STK31: variants seen among roughly 807,000 people sequenced by gnomAD.
STK31 encodes the protein serine/threonine-protein kinase 31.
In STK31, 89 loss-of-function variants were observed where a neutral mutation model predicts 129.7. The observed-to-expected ratio is 0.69, with a 90% confidence interval of 0.58 to 0.82. STK31 has a LOEUF of 0.82. Ranked by LOEUF, STK31 falls within the 40% of genes least tolerant of loss-of-function variation. The pLI is 0.00. For missense variants in STK31, 1,187 were observed against 1,176.4 expected (o/e 1.01, Z -0.13); for synonymous variants, 448 against 395.3 (o/e 1.13, Z -1.58).
Position 23,710,220 on chromosome 7 carries a change from C to T in STK31, c.-66C>T, listed in dbSNP as rs375072309. The stretch of plus-strand genomic sequence containing the variant: ...ACGCAGGCGCAGTGTGGGGCCCTTG[C>T]GGTCGAAGCTCACGCGGTAAGCCGC... On this transcript the variant is annotated 5_prime_UTR_variant, in exon 1 of 24. Transcript: ENST00000355870. 665 of 1,610,362 alleles carry T rather than the reference C, an allele frequency of 4.1e-4. 2 individuals carry two copies. The highest frequency in any genetic ancestry group is 5.1e-4 in the Non-Finnish European group (603 of 1,179,294).
At chr7:23,819,417 T>A (rs936958270) in intron 23 of STK31, among the ~76,000 whole-genome samples, 1 of 64,940 alleles carries the variant, frequency 1.5e-5, no homozygotes, top group Non-Finnish European at 2.8e-5. Context: ...GATGATTTCT[T>A]TCCTTTTTTT....
chr7:23,823,325 A>C (rs1235798328), intron 23 of STK31, among the ~76,000 whole-genome samples: 1 of 151,962 alleles, frequency 6.6e-6, no homozygotes, highest in Non-Finnish European at 1.5e-5. Flanking sequence ...TGTGGTTTTG[A>C]TTTGCATTTC....
chr7:23,753,340 T>C (rs1024303447), intron 9 of STK31, among the ~76,000 whole-genome samples: 3 of 152,194 alleles, frequency 2.0e-5, no homozygotes, highest in Non-Finnish European at 4.4e-5. Flanking sequence ...GGTGTGTCTG[T>C]ATTGTCCCAG....
At chr7:23,777,596 T>A (rs1481549133) in intron 15 of STK31, among the ~76,000 whole-genome samples, 1 of 151,328 alleles carries the variant, frequency 6.6e-6, no homozygotes, top group African/African-American at 2.4e-5. Context: ...CCTTCTTTAT[T>A]TTTATTTTTT....
Position 23,769,718 on chromosome 7 carries a change from G to A in STK31, c.1675G>A (p.Glu559Lys), listed in dbSNP as rs1455878553. The change falls in exon 13 of 24, where the codon GAG (glutamate) becomes AAG (lysine). Residue 559 changes from glutamate to lysine, a missense_variant. Physicochemically the swap from Glu to Lys is moderately conservative, Grantham distance 56. Around this residue, in one of 5 missense-constraint regions of STK31, gnomAD observed 975 missense variants for 934.9 expected, o/e 1.04. Coordinates refer to ENST00000355870, the MANE Select transcript of STK31 (RefSeq NM_031414.5). ...DNIDEILEKT[E>K]SSVCKELEIA... ...TATTGATGAAATCCTAGAGAAGACTGAGTCAAGTGTCTGCAAAGAGCTGGA... is the reference window on the plus strand; with the variant it reads ...TATTGATGAAATCCTAGAGAAGACTAAGTCAAGTGTCTGCAAAGAGCTGGA... 6.2e-7 allele frequency: 1 copy of A among 1,609,968 alleles called. No homozygotes were observed. Among genetic ancestry groups the A allele is most frequent in the African/African-American group, 1.3e-5 (1 of 74,926 alleles).
intron 22 of STK31, among the ~76,000 whole-genome samples, chr7:23,807,316 G>A (rs965552649): frequency 6.6e-6 from 1 of 151,936 alleles, no homozygotes; most frequent in African/African-American, 2.4e-5. Flanking sequence ...ATTTTCACTG[G>A]GAATAGAATT....
chr7:23,790,302 A>G (rs1161631035), intron 21 of STK31, among the ~76,000 whole-genome samples: 2 of 152,196 alleles, frequency 1.3e-5, no homozygotes, highest in Non-Finnish European at 2.9e-5. Flanking sequence ...GACAAAAAAG[A>G]GGTTAAAGCC....
intron 8 of STK31, among the ~76,000 whole-genome samples, chr7:23,741,888 T>C (rs1485487743): frequency 1.3e-5 from 2 of 152,156 alleles, no homozygotes; most frequent in Admixed American, 1.3e-4. Context: ...GCAGCTGCAG[T>C]CATGTCAGCC....
chr7:23,749,793 G>A (rs1788586400), intron 8 of STK31, among the ~76,000 whole-genome samples: 1 of 152,102 alleles, frequency 6.6e-6, no homozygotes, highest in Non-Finnish European at 1.5e-5. Flanking sequence ...GTCTTTTTGT[G>A]AGTCTATGTC....
At chr7:23,818,719 G>A (rs1793610759) in intron 23 of STK31, among the ~76,000 whole-genome samples, 1 of 152,030 alleles carries the variant, frequency 6.6e-6, no homozygotes, top group Admixed American at 6.5e-5. Flanking sequence ...CTGCCTCCCA[G>A]GTTCAAGTGA....
chr7:23,812,568 A>G (rs1200601886), intron 22 of STK31, among the ~76,000 whole-genome samples: 3 of 151,742 alleles, frequency 2.0e-5, no homozygotes, highest in Non-Finnish European at 4.4e-5. Flanking sequence ...GTTTTGTTAC[A>G]CAGGTATATT....
chr7:23,745,254 A>ACC (rs1405786464), intron 8 of STK31, among the ~76,000 whole-genome samples: 1 of 152,060 alleles, frequency 6.6e-6, no homozygotes, highest in African/African-American at 2.4e-5. Flanking sequence ...GTGTGCTCAG[A>ACC]CACTGGTGAG....
At chr7:23,723,600 A>G (rs1347643550) in intron 4 of STK31, among the ~76,000 whole-genome samples, 2 of 152,174 alleles carry the variant, frequency 1.3e-5, no homozygotes, top group Non-Finnish European at 2.9e-5. Flanking sequence ...TCATAAATGG[A>G]TTATACTTTG....
intron 15 of STK31, among the ~76,000 whole-genome samples, chr7:23,773,390 G>A (rs1790327556): frequency 6.6e-6 from 1 of 152,080 alleles, no homozygotes; most frequent in South Asian, 2.1e-4. Context: ...TTTTATAGCT[G>A]CATAATATTC....
intron 11 of STK31, among the ~76,000 whole-genome samples, chr7:23,768,067 C>T (rs1789944068): frequency 6.6e-6 from 1 of 151,990 alleles, no homozygotes; most frequent in African/African-American, 2.4e-5. Flanking sequence ...ACAAACCCAG[C>T]CAGGCCAATT....
In STK31 at chr7:23,785,713, A is replaced by C. The variant is rs1328183031; in HGVS notation, c.2274+110A>C. 5 of 1,371,436 alleles carry C rather than the reference A, an allele frequency of 3.6e-6. No individual in the cohort carries two copies. The African/African-American group carries it at 5.8e-5, about 16-fold the overall frequency. 85.0% of individuals were successfully genotyped at this position (1,371,436 alleles called of 1,614,324 possible). ...CACTGTTAGTTTTCTAAAGTGTATA[A>C]GTTGACTGGCATGATAATTGTGCTT... On this transcript the variant is annotated intron_variant, in intron 18 of 23. Coordinates refer to ENST00000355870, the MANE Select transcript of STK31 (RefSeq NM_031414.5).
intron 3 of STK31, among the ~76,000 whole-genome samples, chr7:23,715,633 A>C (rs550457907): frequency 1.3e-5 from 2 of 152,050 alleles, no homozygotes; most frequent in African/African-American, 4.8e-5. Flanking sequence ...ATAGTGAAAA[A>C]ATATAGTTAT....
rs1480251459 is a variant in STK31, at chr7:23,754,330, T to C, written c.1149T>C (p.Ser383=). 1 of 1,610,676 alleles carries C rather than the reference T, an allele frequency of 6.2e-7. No homozygotes were observed. The highest frequency in any genetic ancestry group is 8.5e-7 in the Non-Finnish European group (1 of 1,179,338). The change falls in exon 10 of 24, where the codon AGT becomes AGC. Residue 383 remains serine, a synonymous_variant. Transcript: ENST00000355870. ...TTAAAAATAGGCATGTCGACATCAG[T>C]GTCCGTTTCGGAAAAGACCTTTCAG... ...ILKEMRHVDI[S]VRFGKDLSDA...
intron 22 of STK31, among the ~76,000 whole-genome samples, chr7:23,809,061 C>A (rs1490339183): frequency 6.6e-6 from 1 of 151,364 alleles, no homozygotes; most frequent in Non-Finnish European, 1.5e-5. Context: ...GGGAACTCAC[C>A]ATTATATTGT....
Sources: allele counts gnomAD v4.1 joint callset (sites outside exome capture counted in the v4.1 genomes callset), GRCh38; gene constraint gnomAD v4.1.1; regional missense constraint gnomAD v4.1.1; transcripts MANE v1.5; gene names NCBI Gene and HGNC (gene_info 2026-07-23, HGNC 2026-07-21).